The following VEGFC variants were observed in gnomAD, a reference collection of about 807,000 sequenced individuals.
VEGFC encodes FLT4 ligand DHM.
VEGFC carries 12 observed loss-of-function variants against 46.1 expected under a neutral mutation model. The ratio of observed to expected loss-of-function variants is 0.26; its 90% CI spans 0.17 to 0.42. The LOEUF is 0.42. Among genes scored for constraint, VEGFC ranks in the 10% least tolerant of loss-of-function variants. The probability of loss-of-function intolerance (pLI) is 1.00; values close to 1 mark genes in which losing one functional copy is unlikely to be tolerated. For synonymous variants in VEGFC, 232 were observed against 195.5 expected, an observed-to-expected ratio of 1.19 and a Z score of -1.56; for missense variants, 488 against 529.4, an observed-to-expected ratio of 0.92 and a Z score of 0.77.
chr4:176,728,810 T>A (rs532893803), intron 2 of VEGFC, among the ~76,000 whole-genome samples: 2 of 152,342 alleles, frequency 1.3e-5, no homozygotes, highest in African/African-American at 4.8e-5. Context: ...ATCAAACTTT[T>A]ATAGCGATTA....
chr4:176,743,031 C>T (rs978529921), intron 1 of VEGFC, among the ~76,000 whole-genome samples: 16 of 151,872 alleles, frequency 1.1e-4, no homozygotes, highest in African/African-American at 3.1e-4. Context: ...TCAAAGGAAC[C>T]GGAAGAAGCA....
rs746613831 is a variant in VEGFC, at chr4:176,683,959, G to T, written c.1227C>A (p.Val409=). ...FSYSEEVCRC[V]PSYWKRPQMS The stretch of plus-strand genomic sequence containing the variant: ...TTTGTGGTCTTTTCCAATATGAAGG[G>T]ACACAACGACACACTTCTTCACTAT... The change falls in exon 7 of 7, where the codon GTC becomes GTA. Residue 409 remains valine, a synonymous_variant. Transcript: ENST00000618562. 2 of 1,614,090 alleles carry T rather than the reference G, an allele frequency of 1.2e-6. No homozygotes were observed. The highest frequency in any genetic ancestry group is 3.3e-5 in the Admixed American group (2 of 60,022).
At chr4:176,758,046 A>C (rs1735464261) in intron 1 of VEGFC, among the ~76,000 whole-genome samples, 1 of 152,100 alleles carries the variant, frequency 6.6e-6, no homozygotes, top group Admixed American at 6.6e-5. Flanking sequence ...TCTTTTGTAA[A>C]TTACTCATTC....
intron 1 of VEGFC, among the ~76,000 whole-genome samples, chr4:176,734,131 A>G (rs917304804): frequency 6.6e-6 from 1 of 151,808 alleles, no homozygotes; most frequent in African/African-American, 2.4e-5. Flanking sequence ...GGTAACTTTG[A>G]ATAAGTTACT....
intron 1 of VEGFC, among the ~76,000 whole-genome samples, chr4:176,761,566 A>G (rs1258084980): frequency 6.6e-6 from 1 of 152,146 alleles, no homozygotes; most frequent in Non-Finnish European, 1.5e-5. Flanking sequence ...CAAGGAAAAC[A>G]ATGTCGCAGT....
chr4:176,770,302 A>G (rs1411962818), intron 1 of VEGFC, among the ~76,000 whole-genome samples: 2 of 152,186 alleles, frequency 1.3e-5, no homozygotes, highest in Admixed American at 1.3e-4. Context: ...ACTTTATATT[A>G]TTAAATTTCT....
chr4:176,741,236 T>C (rs935885796), intron 1 of VEGFC, among the ~76,000 whole-genome samples: 1 of 151,998 alleles, frequency 6.6e-6, no homozygotes, highest in Non-Finnish European at 1.5e-5. Flanking sequence ...GAAACATTTT[T>C]AGTGTACGGA....
intron 4 of VEGFC, among the ~76,000 whole-genome samples, chr4:176,700,355 T>C (rs1265339056): frequency 1.3e-5 from 2 of 151,384 alleles, no homozygotes; most frequent in Non-Finnish European, 2.9e-5. Flanking sequence ...AGGCAGAGGA[T>C]GCAGTGAGCT....
chr4:176,764,486 A>G (rs910930809), intron 1 of VEGFC, among the ~76,000 whole-genome samples: 1 of 152,228 alleles, frequency 6.6e-6, no homozygotes, highest in African/African-American at 2.4e-5. Context: ...TATCCATGGT[A>G]AGAAGCAAAG....
intron 1 of VEGFC, among the ~76,000 whole-genome samples, chr4:176,733,517 G>A (rs1223879011): frequency 6.6e-6 from 1 of 151,894 alleles, no homozygotes; most frequent in Non-Finnish European, 1.5e-5. Context: ...AATGCTACAT[G>A]ATGTGTGATT....
In VEGFC at chr4:176,728,312, CAG is replaced by C. The variant is rs542091542; in HGVS notation, c.362-346_362-345del. On this transcript the variant is annotated intron_variant, in intron 2 of 6. Coordinates refer to ENST00000618562, the MANE Select transcript of VEGFC (RefSeq NM_005429.5). The stretch of plus-strand genomic sequence containing the variant: ...AATATATGAATGTTTATAAGATGTG[CAG>C]AGAGAGTCATGTTCATTCTCTATAG... Among the ~76,000 whole-genome samples the C allele has an allele frequency of 5.3e-5, 8 of 152,218 alleles. No individual in the cohort carries two copies. In the East Asian group the frequency reaches 1.5e-3, roughly 29 times the overall value.
At chr4:176,733,520 G>A (rs1328447808) in intron 1 of VEGFC, among the ~76,000 whole-genome samples, 1 of 151,912 alleles carries the variant, frequency 6.6e-6, no homozygotes, top group Non-Finnish European at 1.5e-5. Context: ...GCTACATGAT[G>A]TGTGATTCCT....
At chr4:176,781,544 T>C (rs7682290) in intron 1 of VEGFC, among the ~76,000 whole-genome samples, 130,529 of 152,202 alleles carry the variant, frequency 0.86, 56,834 homozygotes, top group East Asian at 1. Flanking sequence ...TTCCAAGAAA[T>C]TTGGAGTGAG....
At chr4:176,762,376 T>C (rs1735544855) in intron 1 of VEGFC, among the ~76,000 whole-genome samples, 1 of 152,150 alleles carries the variant, frequency 6.6e-6, no homozygotes, top group Admixed American at 6.5e-5. Flanking sequence ...TCTGTCCGTC[T>C]GCCATGTGAG....
chr4:176,782,105 A>C (rs1214257888), intron 1 of VEGFC, among the ~76,000 whole-genome samples: 1 of 152,268 alleles, frequency 6.6e-6, no homozygotes, highest in Non-Finnish European at 1.5e-5. Flanking sequence ...ACATAAAAAG[A>C]ATATTAAATA....
intron 3 of VEGFC, among the ~76,000 whole-genome samples, chr4:176,721,927 G>A (rs1734793770): frequency 6.6e-6 from 1 of 152,016 alleles, no homozygotes; most frequent in Admixed American, 6.6e-5. Flanking sequence ...CTGCAGAGAA[G>A]GTGTCTTAGG....
At chr4:176,726,612 A>C (rs1248344573) in intron 3 of VEGFC, among the ~76,000 whole-genome samples, 1 of 152,208 alleles carries the variant, frequency 6.6e-6, no homozygotes, top group East Asian at 1.9e-4. Context: ...CAATGTCTCC[A>C]AACTCAGAGG....
At chr4:176,778,548 A>G (rs1037778530) in intron 1 of VEGFC, among the ~76,000 whole-genome samples, 4 of 152,226 alleles carry the variant, frequency 2.6e-5, no homozygotes, top group Admixed American at 1.3e-4. Context: ...TACATATATT[A>G]TAATCAAATG....
intron 3 of VEGFC, among the ~76,000 whole-genome samples, chr4:176,722,843 T>A (rs893740035): frequency 1.3e-5 from 2 of 152,076 alleles, no homozygotes; most frequent in Admixed American, 1.3e-4. Flanking sequence ...AACACCTCCC[T>A]CTTGATAGAG....
Sources: gnomAD v4.1 joint callset for allele counts (sites outside exome capture counted in the v4.1 genomes callset) on GRCh38, gnomAD v4.1.1 for gene constraint, MANE v1.5 for transcripts, NCBI Gene and HGNC (gene_info 2026-07-23, HGNC 2026-07-21) for gene names.